SPATA31H1: variants seen among roughly 807,000 people sequenced by gnomAD.
SPATA31H1 encodes the protein SPATA31 subfamily H member 1, also known as spermatogenesis-associated protein 31H1.
the SPATA31H1 span, among the ~76,000 whole-genome samples, chr2:27,558,930 A>AGAGGGG: frequency 2.0e-3 from 40 of 20,088 alleles, no homozygotes; most frequent in African/African-American, 7.9e-3. Flanking sequence ...AGGGGGAGGG[A>AGAGGGG]GAGGGAGAGG....
chr2:27,566,549 A>G, the SPATA31H1 span, among the ~76,000 whole-genome samples: 5 of 152,134 alleles, frequency 3.3e-5, no homozygotes, highest in South Asian at 1.0e-3. Context: ...TCTGGGTGGA[A>G]TGGGAACAGT....
chr2:27,572,888 G>A, the SPATA31H1 span: 33 of 397,476 alleles, frequency 8.3e-5, no homozygotes, highest in African/African-American at 6.2e-4. Context: ...AAGCTCCTGA[G>A]TTGTCCCAAG....
chr2:27,539,879 C>A, the SPATA31H1 span, among the ~76,000 whole-genome samples: 1 of 117,782 alleles, frequency 8.5e-6, no homozygotes, highest in Non-Finnish European at 1.8e-5. Flanking sequence ...TGATCCCCCC[C>A]ACCTCCCTCC....
At chr2:27,576,467 A>C in the SPATA31H1 span, 1 of 844,320 alleles carries the variant, frequency 1.2e-6, no homozygotes, top group East Asian at 2.7e-5. Flanking sequence ...CTCTATGGCC[A>C]CAACCTCAAA....
At chr2:27,581,807 C>T in the SPATA31H1 span, 1 of 1,611,140 alleles carries the variant, frequency 6.2e-7, no homozygotes, top group African/African-American at 1.4e-5. Flanking sequence ...ATCACAGTCC[C>T]TCTGAGAGAA....
At chr2:27,544,258 T>G in the SPATA31H1 span, among the ~76,000 whole-genome samples, 6 of 152,014 alleles carry the variant, frequency 3.9e-5, no homozygotes, top group Non-Finnish European at 8.8e-5. Context: ...TTGTATAGGG[T>G]GATGAGTTTT....
the SPATA31H1 span, among the ~76,000 whole-genome samples, chr2:27,545,722 G>A: frequency 1.3e-5 from 2 of 151,650 alleles, no homozygotes; most frequent in African/African-American, 4.9e-5. Context: ...CCACAGGTGT[G>A]CGCCACCATG....
chr2:27,582,287 T>C, the SPATA31H1 span: 1 of 1,613,736 alleles, frequency 6.2e-7, no homozygotes. Flanking sequence ...GCAGTTCCTG[T>C]GAGAGAACCC....
the SPATA31H1 span, among the ~76,000 whole-genome samples, chr2:27,549,756 C>A: frequency 1.3e-5 from 2 of 151,938 alleles, no homozygotes; most frequent in Non-Finnish European, 2.9e-5. Flanking sequence ...TTGCAGTGAG[C>A]TAAGATCACA....
At chr2:27,578,351 C>T in the SPATA31H1 span, 52 of 1,613,978 alleles carry the variant, frequency 3.2e-5, no homozygotes, top group Non-Finnish European at 1.8e-5. Flanking sequence ...CTATGTTAAT[C>T]CCAGGGCCAT....
the SPATA31H1 span, chr2:27,571,354 C>A: frequency 5.0e-6 from 2 of 398,356 alleles, no homozygotes; most frequent in Admixed American, 4.4e-5. Flanking sequence ...ATGGAGATAA[C>A]CTTCCCACAG....
chr2:27,575,524 G>A, the SPATA31H1 span: 1 of 398,352 alleles, frequency 2.5e-6, no homozygotes, highest in South Asian at 1.3e-4. This position sits in a 1 kb window ranked among gnomAD's most constrained non-coding sequence, Gnocchi z 4.1. Flanking sequence ...TTCAACCCTG[G>A]ACCACAGTTG....
At chr2:27,548,889 A>G in the SPATA31H1 span, among the ~76,000 whole-genome samples, 1 of 151,568 alleles carries the variant, frequency 6.6e-6, no homozygotes, top group East Asian at 1.9e-4. Flanking sequence ...CCTGGCCAAC[A>G]TGGTGAAACC....
At chr2:27,543,561 A>G in the SPATA31H1 span, among the ~76,000 whole-genome samples, 1 of 149,706 alleles carries the variant, frequency 6.7e-6, no homozygotes, top group Non-Finnish European at 1.5e-5. Flanking sequence ...AAAAAAAAAA[A>G]TAGTCCAGTA....
the SPATA31H1 span, chr2:27,578,549 TG>T: frequency 6.2e-7 from 1 of 1,614,034 alleles, no homozygotes; most frequent in East Asian, 2.2e-5. Flanking sequence ...AAGTGAAGTC[TG>T]CAGAATTAAC....
At chr2:27,570,692 C>T in the SPATA31H1 span, 1 of 398,680 alleles carries the variant, frequency 2.5e-6, no homozygotes, top group Non-Finnish European at 4.4e-6. Flanking sequence ...TAGAGATGAC[C>T]CCAGGGCCAA....
chr2:27,547,529 A>G, the SPATA31H1 span, among the ~76,000 whole-genome samples: 2 of 151,958 alleles, frequency 1.3e-5, no homozygotes, highest in Non-Finnish European at 1.5e-5. Flanking sequence ...ACATTTCCAT[A>G]TAAATCTGTG....
chr2:27,575,597 G>A, the SPATA31H1 span: 1 of 398,496 alleles, frequency 2.5e-6, no homozygotes, highest in Non-Finnish European at 4.4e-6. This position sits in a 1 kb window ranked among gnomAD's most constrained non-coding sequence, Gnocchi z 4.1. Context: ...AATCTAAGGT[G>A]TTCTGCCTTG....
At chr2:27,582,402 A>G in the SPATA31H1 span, 9 of 1,614,126 alleles carry the variant, frequency 5.6e-6, no homozygotes, top group Admixed American at 1.5e-4. Flanking sequence ...ACTCAAGTAC[A>G]GTTTCCCTGG....
Sources: allele counts gnomAD v4.1 joint callset (sites outside exome capture counted in the v4.1 genomes callset), GRCh38; gene constraint gnomAD v4.1.1; non-coding constraint Gnocchi (gnomAD v3.1); transcripts MANE v1.5; gene names NCBI Gene and HGNC (gene_info 2026-07-23, HGNC 2026-07-21).